Variants in IMMP2L observed in about 807,000 individuals in gnomAD.
The protein encoded by IMMP2L is inner mitochondrial membrane peptidase subunit 2, also known as mitochondrial inner membrane protease subunit 2.
In IMMP2L, 18 loss-of-function variants were observed where a neutral mutation model predicts 19.3. The observed-to-expected ratio is 0.93, with a 90% confidence interval of 0.64 to 1.38. IMMP2L has a LOEUF of 1.38. Among genes scored for constraint, IMMP2L ranks in the 40% most tolerant of loss-of-function variants. The probability of loss-of-function intolerance (pLI) is 0.00; values close to 1 mark genes in which losing one functional copy is unlikely to be tolerated. For missense variants in IMMP2L, 233 were observed against 218.2 expected, an observed-to-expected ratio of 1.07 and a Z score of -0.43; for synonymous variants, 76 against 73.0, an observed-to-expected ratio of 1.04 and a Z score of -0.21.
At chr7:111,125,460 T>C (rs924141919) in intron 3 of IMMP2L, 1 of 167,112 alleles carries the variant, frequency 6.0e-6, no homozygotes, top group African/African-American at 2.4e-5. Flanking sequence ...GGAAATATCA[T>C]CTGATCAGAT....
intron 3 of IMMP2L, among the ~76,000 whole-genome samples, chr7:111,328,543 G>A (rs553857009): frequency 1.3e-5 from 2 of 151,816 alleles, no homozygotes; most frequent in Non-Finnish European, 2.9e-5. Flanking sequence ...AAAAGTAAGG[G>A]TTTATATTTT....
At chr7:111,366,960 G>A (rs1316601791) in intron 3 of IMMP2L, among the ~76,000 whole-genome samples, 1 of 151,596 alleles carries the variant, frequency 6.6e-6, no homozygotes, top group Non-Finnish European at 1.5e-5. Context: ...GGTATTCTTT[G>A]TACCATCTTT....
intron 3 of IMMP2L, among the ~76,000 whole-genome samples, chr7:111,150,567 G>A (rs558372866): frequency 6.6e-6 from 1 of 152,278 alleles, no homozygotes; most frequent in South Asian, 2.1e-4. Flanking sequence ...ATTCAAACAT[G>A]AAACAAAGCT....
chr7:111,038,571 T>C (rs748208932), intron 3 of IMMP2L, among the ~76,000 whole-genome samples: 3 of 152,136 alleles, frequency 2.0e-5, no homozygotes, highest in Admixed American at 6.5e-5. Flanking sequence ...CTAACTAAAA[T>C]GTAAAGAGGT....
chr7:111,056,568 C>T (rs915779769), intron 3 of IMMP2L, among the ~76,000 whole-genome samples: 1 of 152,186 alleles, frequency 6.6e-6, no homozygotes, highest in Admixed American at 6.5e-5. Context: ...GTTAGAGTTG[C>T]TGACTCTGCA....
chr7:111,301,921 TAAAAAAAAAAAAAAAAAA>T (rs59156229), intron 3 of IMMP2L, among the ~76,000 whole-genome samples: 1 of 83,156 alleles, frequency 1.2e-5, no homozygotes, highest in Non-Finnish European at 2.1e-5. Context: ...TTTCATGCTT[TAAAAAAAAAAAAAAAAAA>T]AAAAAAAAAA....
At chr7:111,065,866 TGTTA>T (rs547966699) in intron 3 of IMMP2L, among the ~76,000 whole-genome samples, 166 of 149,894 alleles carry the variant, frequency 1.1e-3, no homozygotes, top group African/African-American at 3.9e-3. Context: ...ATATCTATCC[TGTTA>T]GTTCTGTTTC....
At position 111,281,150 on chromosome 7, in the gene IMMP2L, GAAAGAC is replaced by G. The variant is rs1563004084; in HGVS notation, c.239+206082_239+206087del. On this transcript the variant is annotated intron_variant, in intron 3 of 5. Transcript: ENST00000405709. ...AGAAAGAGAGAAAGACAGAAAGACA[GAAAGAC>G]AGAAAGAAAGAAAGAAAGAAAGAAA... Among the ~76,000 whole-genome samples, 11 of 39,108 alleles carry G rather than the reference GAAAGAC, an allele frequency of 2.8e-4. No individual in the cohort carries two copies. The East Asian group carries it at 0.013, about 46-fold the overall frequency. The allele number at this position is 39,108 out of a possible 152,430, so 25.7% of individuals were successfully genotyped here. A position where few individuals can be genotyped will look rare whatever the true frequency, so the allele number is the denominator to read the frequency against.
At chr7:110,957,763 C>G (rs554134314) in intron 4 of IMMP2L, among the ~76,000 whole-genome samples, 5 of 151,936 alleles carry the variant, frequency 3.3e-5, no homozygotes, top group Admixed American at 6.6e-5. Context: ...ATGACTCTTT[C>G]CCTGTCTTCC....
intron 3 of IMMP2L, among the ~76,000 whole-genome samples, chr7:111,048,256 A>AG (rs1792631065): frequency 2.2e-5 from 2 of 91,852 alleles, no homozygotes; most frequent in Non-Finnish European, 5.6e-5. Flanking sequence ...AAAAAAAAAA[A>AG]AAAAAAAAAG....
chr7:111,292,753 T>C (rs1821245489), intron 3 of IMMP2L, among the ~76,000 whole-genome samples: 2 of 152,016 alleles, frequency 1.3e-5, no homozygotes, highest in Non-Finnish European at 2.9e-5. Context: ...TTTTGGAGAA[T>C]AATAATGCCT....
intron 4 of IMMP2L, among the ~76,000 whole-genome samples, chr7:110,900,885 CT>C (rs1292350914): frequency 6.6e-6 from 1 of 152,048 alleles, no homozygotes; most frequent in Non-Finnish European, 1.5e-5. Context: ...CTTATACCAT[CT>C]GGCCATGGCT....
At chr7:110,984,407 A>G (rs564753073) in intron 3 of IMMP2L, among the ~76,000 whole-genome samples, 2 of 152,034 alleles carry the variant, frequency 1.3e-5, no homozygotes, top group Non-Finnish European at 2.9e-5. Context: ...GAAATACATG[A>G]ATATTTTAAA....
At chr7:111,440,451 C>T (rs538817274) in intron 3 of IMMP2L, among the ~76,000 whole-genome samples, 1 of 151,968 alleles carries the variant, frequency 6.6e-6, no homozygotes, top group Admixed American at 6.5e-5. Flanking sequence ...CTTGGGTGAC[C>T]AGGTGCATTA....
At chr7:111,041,671 T>C (rs574511688) in intron 3 of IMMP2L, among the ~76,000 whole-genome samples, 1 of 152,156 alleles carries the variant, frequency 6.6e-6, no homozygotes, top group African/African-American at 2.4e-5. Context: ...TCCTTTCCTT[T>C]TCTATTTGTA....
intron 3 of IMMP2L, among the ~76,000 whole-genome samples, chr7:111,102,924 T>G (rs2129580542): frequency 6.6e-6 from 1 of 151,576 alleles, no homozygotes; most frequent in South Asian, 2.1e-4. Context: ...AATGTCCCAA[T>G]TTCCCCTTAA....
At position 110,937,104 on chromosome 7, in the gene IMMP2L, T is replaced by C. The variant is rs112084223; in HGVS notation, c.305+26396A>G. On this transcript the variant is annotated intron_variant, in intron 4 of 5. Transcript: ENST00000405709. Reference sequence around the variant, plus strand: ...CATTAGGAGAAATATCTAATGTAGATGACAGGTTGATGGGTGCAGCAAACC... The same window carrying C: ...CATTAGGAGAAATATCTAATGTAGACGACAGGTTGATGGGTGCAGCAAACC... Among the ~76,000 whole-genome samples, 107 of 152,210 alleles carry C rather than the reference T, an allele frequency of 7.0e-4. 1 individual carries two copies. The highest frequency in any genetic ancestry group is 2.5e-3 in the African/African-American group (104 of 41,530).
chr7:110,837,302 A>C (rs1016729981), intron 5 of IMMP2L, among the ~76,000 whole-genome samples: 5 of 151,956 alleles, frequency 3.3e-5, no homozygotes, highest in African/African-American at 4.8e-5. Flanking sequence ...GGAGGGAGAA[A>C]GAGTAAAGAA....
At chr7:111,501,234 C>T (rs916940309) in intron 2 of IMMP2L, among the ~76,000 whole-genome samples, 25 of 151,430 alleles carry the variant, frequency 1.7e-4, no homozygotes, top group Admixed American at 6.6e-4. Context: ...TGATGGAAGA[C>T]GAAATGAATG....
Sources: allele counts gnomAD v4.1 joint callset (sites outside exome capture counted in the v4.1 genomes callset), GRCh38; gene constraint gnomAD v4.1.1; transcripts MANE v1.5; gene names NCBI Gene and HGNC (gene_info 2026-07-23, HGNC 2026-07-21).